ATP9B: variants seen among roughly 807,000 people sequenced by gnomAD.
The protein encoded by ATP9B is probable phospholipid-transporting ATPase IIB.
ATP9B carries 110 observed loss-of-function variants against 146.1 expected under a neutral mutation model. The ratio of observed to expected loss-of-function variants is 0.75; its 90% CI spans 0.65 to 0.88. The LOEUF (loss-of-function observed/expected upper bound fraction) is 0.88, where lower values mean the gene tolerates loss of function less well. Among genes scored for constraint, ATP9B ranks in the 40% least tolerant of loss-of-function variants. The pLI, the probability that ATP9B is intolerant of heterozygous loss-of-function variation, is 0.00. For synonymous variants in ATP9B, 604 were observed against 569.7 expected, an observed-to-expected ratio of 1.06 and a Z score of -0.86; for missense variants, 1,499 against 1,496.4, an observed-to-expected ratio of 1.00 and a Z score of -0.03.
chr18:79,290,334 C>T (rs1357704660), intron 13 of ATP9B, among the ~76,000 whole-genome samples: 3 of 152,238 alleles, frequency 2.0e-5, no homozygotes, highest in African/African-American at 7.2e-5. Flanking sequence ...GCGCCCCTCC[C>T]CCAGCCTTGC....
chr18:79,096,566 C>G lies in ATP9B; in HGVS notation c.210C>G (p.His70Gln). 6.2e-7 allele frequency: 1 copy of G among 1,613,994 alleles called. No individual in the cohort carries two copies. The highest frequency in any genetic ancestry group is 1.7e-5 in the Admixed American group (1 of 59,994). Residue 70 changes from histidine to glutamine, a missense_variant, in exon 2 of 30, where the codon CAC becomes CAG. By Grantham distance (24) the His-to-Gln change is conservative. Coordinates refer to ENST00000426216, the MANE Select transcript of ATP9B (RefSeq NM_198531.5). Reference protein sequence around the residue: ...EGFENEESDYHTLPRARIMQR... With the variant: ...EGFENEESDYQTLPRARIMQR... Reference sequence around the variant, plus strand: ...TTGAGAATGAGGAAAGTGATTACCACACCTTACCACGAGCCAGGATAATGC... The same window carrying G: ...TTGAGAATGAGGAAAGTGATTACCAGACCTTACCACGAGCCAGGATAATGC...
intron 7 of ATP9B, among the ~76,000 whole-genome samples, chr18:79,158,065 GTCT>G (rs1231476090): frequency 6.6e-6 from 1 of 151,766 alleles, no homozygotes; most frequent in African/African-American, 2.4e-5. Flanking sequence ...GTTCAGTTTA[GTCT>G]TCTTTTTGTA....
intron 8 of ATP9B, among the ~76,000 whole-genome samples, chr18:79,178,456 C>G (rs115855424): frequency 0.011 from 1,740 of 152,208 alleles, 39 homozygotes; most frequent in African/African-American, 0.04. Flanking sequence ...GTCCTGTTGA[C>G]AGTCTCGGAG....
intron 13 of ATP9B, chr18:79,300,034 C>T (rs986200153): frequency 2.0e-5 from 3 of 152,274 alleles, no homozygotes; most frequent in Non-Finnish European, 4.4e-5. Context: ...AAGCAACGTA[C>T]TAGAATGAGG....
chr18:79,370,013 C>T (rs962758454), intron 26 of ATP9B, among the ~76,000 whole-genome samples: 2 of 152,062 alleles, frequency 1.3e-5, no homozygotes, highest in Admixed American at 6.5e-5. Flanking sequence ...GCAGGAGAAT[C>T]GCTTGAACCT....
chr18:79,166,049 C>T (rs1035491919), intron 7 of ATP9B, among the ~76,000 whole-genome samples: 4 of 152,160 alleles, frequency 2.6e-5, no homozygotes, highest in Admixed American at 1.3e-4. Context: ...TGGCTGCTGT[C>T]CTGTCCCCAG....
At chr18:79,070,575 G>A (rs2071610679) in intron 1 of ATP9B, among the ~76,000 whole-genome samples, 2 of 152,174 alleles carry the variant, frequency 1.3e-5, no homozygotes, top group South Asian at 4.1e-4. Flanking sequence ...CAGTAATTGT[G>A]TTAGTAAATC....
chr18:79,104,174 T>TG (rs2075495265), intron 2 of ATP9B, among the ~76,000 whole-genome samples: 1 of 152,168 alleles, frequency 6.6e-6, no homozygotes, highest in African/African-American at 2.4e-5. Flanking sequence ...CTGTGGCAAA[T>TG]GCCTGGTCTC....
Position 79,332,240 on chromosome 18 carries a change from T to C in ATP9B, c.2028+2136T>C, listed in dbSNP as rs1441803423. 3.9e-5 allele frequency among the ~76,000 whole-genome samples: 6 copies of C among 152,206 alleles called. No individual in the cohort carries two copies. The South Asian group carries it at 6.2e-4, about 16-fold the overall frequency. On this transcript the variant is annotated intron_variant, in intron 17 of 29. Transcript: ENST00000426216. ...GTCAGGAGATTGAGACCCTCCTGGC[T>C]AACACGGTGAAACCCCATCTCTACT...
intron 13 of ATP9B, among the ~76,000 whole-genome samples, chr18:79,303,116 C>G (rs1399652742): frequency 1.3e-5 from 2 of 152,176 alleles, no homozygotes; most frequent in Non-Finnish European, 2.9e-5. Flanking sequence ...TGGCTCACGT[C>G]TATAATCAGA....
rs368081315 is a variant in ATP9B at position 79,204,722 on chromosome 18, A to G, written c.955-2215A>G. ...TTGGTCCATGCTGGAGTCAGCACAT[A>G]CTGTAGACAGATTGTTTCCATCCAG... On this transcript the variant is annotated intron_variant, in intron 9 of 29. Transcript: ENST00000426216. Among the ~76,000 whole-genome samples, 8 of 152,156 alleles carry G rather than the reference A, an allele frequency of 5.3e-5. No individual in the cohort carries two copies. In the East Asian group the frequency reaches 9.6e-4, roughly 18 times the overall value.
intron 13 of ATP9B, among the ~76,000 whole-genome samples, chr18:79,296,866 C>G (rs2096552337): frequency 6.6e-6 from 1 of 152,066 alleles, no homozygotes; most frequent in Non-Finnish European, 1.5e-5. Flanking sequence ...CAGCTAAAGA[C>G]CCAGAGAGAA....
At chr18:79,092,158 A>G (rs1036565006) in intron 1 of ATP9B, among the ~76,000 whole-genome samples, 6 of 152,172 alleles carry the variant, frequency 3.9e-5, no homozygotes, top group African/African-American at 1.4e-4. Flanking sequence ...AATACTTAAA[A>G]TACTTCCTCT....
intron 7 of ATP9B, among the ~76,000 whole-genome samples, chr18:79,168,223 G>C (rs1380371390): frequency 6.6e-6 from 1 of 152,214 alleles, no homozygotes; most frequent in East Asian, 1.9e-4. Flanking sequence ...GAGACTTGGT[G>C]GTGGCATTTC....
At chr18:79,321,681 A>G (rs2096717064) in intron 15 of ATP9B, among the ~76,000 whole-genome samples, 1 of 152,238 alleles carries the variant, frequency 6.6e-6, no homozygotes, top group African/African-American at 2.4e-5. Flanking sequence ...TTAATCTTCA[A>G]GATGATTACA....
chr18:79,328,161 C>CGTGGTTAGTGTGCTCTCT (rs2096771231), intron 15 of ATP9B, among the ~76,000 whole-genome samples: 3 of 150,556 alleles, frequency 2.0e-5, no homozygotes, highest in African/African-American at 7.4e-5. Context: ...GCGTGCTCTC[C>CGTGGTTAGTGTGCTCTCT]GTGGTTAGTG....
intron 2 of ATP9B, among the ~76,000 whole-genome samples, chr18:79,103,285 T>A (rs58567328): frequency 0.24 from 36,172 of 149,572 alleles, 4,670 homozygotes; most frequent in East Asian, 0.49. Flanking sequence ...TTTTTTTTTT[T>A]AAGAAATCTA....
At position 79,193,237 on chromosome 18, in the gene ATP9B, C is replaced by T. The variant is rs759100396; in HGVS notation, c.928C>T (p.His310Tyr). 1.2e-5 allele frequency: 20 copies of T among 1,611,712 alleles called. No homozygotes were observed. Among genetic ancestry groups the T allele is most frequent in the Non-Finnish European group, 1.7e-5 (20 of 1,177,948 alleles). ...TGCTCAGAAACCACAAATGGACATT[C>T]ACAGTTTCGAAGGCACATTTACCAG... ...VYAQKPQMDIHSFEGTFTRED... is the reference protein window; with the variant it reads ...VYAQKPQMDIYSFEGTFTRED... The change falls in exon 9 of 30, where the codon CAC becomes TAC. Residue 310 changes from histidine (H) to tyrosine (Y), a missense_variant. Physicochemically the swap from His to Tyr is moderately conservative, Grantham distance 83 (BLOSUM62 2). Coordinates refer to ENST00000426216, the MANE Select transcript of ATP9B (RefSeq NM_198531.5).
At chr18:79,235,028 A>G (rs547254343) in intron 11 of ATP9B, among the ~76,000 whole-genome samples, 2 of 152,182 alleles carry the variant, frequency 1.3e-5, no homozygotes, top group East Asian at 3.9e-4. Flanking sequence ...GCCCATGACC[A>G]TGCCTGGCTA....
Sources: allele counts gnomAD v4.1 joint callset (sites outside exome capture counted in the v4.1 genomes callset), GRCh38; gene constraint gnomAD v4.1.1; transcripts MANE v1.5; gene names NCBI Gene and HGNC (gene_info 2026-07-23, HGNC 2026-07-21).